The following PUS10 variants were observed in gnomAD, a reference collection of about 807,000 sequenced individuals.
The protein encoded by PUS10 is tRNA pseudouridine synthase Pus10.
Under a neutral mutation model 75.0 loss-of-function variants are expected in PUS10, and 59 were observed. The ratio of observed to expected loss-of-function variants is 0.79; its 90% confidence interval spans 0.64 to 0.98. The LOEUF is 0.98. Among genes scored for constraint, PUS10 ranks in the 50% least tolerant of loss-of-function variants. The pLI is 0.00. For synonymous variants in PUS10, 219 were observed against 211.6 expected (o/e 1.03, Z -0.30); for missense variants, 650 against 614.4 (o/e 1.06, Z -0.61).
At chr2:60,974,175 G>T (rs1456194557) in intron 4 of PUS10, among the ~76,000 whole-genome samples, 1 of 151,182 alleles carries the variant, frequency 6.6e-6, no homozygotes, top group Non-Finnish European at 1.5e-5. Context: ...CCCACTGTGG[G>T]TCTTCTCTGA....
chr2:61,004,792 AAT>A (rs1352552682), intron 4 of PUS10, among the ~76,000 whole-genome samples: 1 of 152,194 alleles, frequency 6.6e-6, no homozygotes, highest in Non-Finnish European at 1.5e-5. Context: ...AATAGGTTAA[AAT>A]ATATTAGTCA....
chr2:60,963,658 C>T (rs185858408), intron 8 of PUS10, among the ~76,000 whole-genome samples: 571 of 152,160 alleles, frequency 3.8e-3, no homozygotes, highest in Non-Finnish European at 6.2e-3. Context: ...TTTTCAAAAC[C>T]ATATTCTAGG....
At chr2:60,973,308 C>G (rs1326488965) in intron 4 of PUS10, among the ~76,000 whole-genome samples, 2 of 152,268 alleles carry the variant, frequency 1.3e-5, no homozygotes, top group Non-Finnish European at 2.9e-5. Flanking sequence ...GAGTCTCACC[C>G]AACTTGCGGC....
chr2:61,006,479 A>C, intron 4 of PUS10, 78 bp downstream of exon 4: 1 of 1,057,064 alleles, frequency 9.5e-7, no homozygotes, highest in South Asian at 1.4e-5. Flanking sequence ...AGAGTAAGGA[A>C]TATTTCTACA....
At position 60,941,690 on chromosome 2, in the gene PUS10, T is replaced by C. The variant is rs1424823867; in HGVS notation, c.*705A>G. 1 of 152,326 alleles carries C rather than the reference T, an allele frequency of 6.6e-6. No individual in the cohort carries two copies. Among genetic ancestry groups the C allele is most frequent in the African/African-American group, 2.4e-5 (1 of 41,456 alleles). The allele number at this position is 152,326 out of a possible 1,614,324, so 9.4% of individuals were successfully genotyped here. A position where few individuals can be genotyped will look rare whatever the true frequency, so the allele number is the denominator to read the frequency against. On this transcript the variant is annotated 3_prime_UTR_variant, in exon 18 of 18. Coordinates refer to ENST00000316752, the MANE Select transcript of PUS10 (RefSeq NM_144709.4). The stretch of plus-strand genomic sequence containing the variant: ...CACTTGTTTCTCCTTATTTAAAAGA[T>C]TTATGAAAGGCTCCTACCATGGCAT...
intron 4 of PUS10, among the ~76,000 whole-genome samples, chr2:60,992,701 C>T (rs1006568841): frequency 3.3e-5 from 5 of 151,986 alleles, no homozygotes; most frequent in African/African-American, 4.8e-5. Flanking sequence ...ATTTCATTTC[C>T]TTTTATATGG....
At chr2:60,989,877 G>A (rs1287696487) in intron 4 of PUS10, among the ~76,000 whole-genome samples, 1 of 151,962 alleles carries the variant, frequency 6.6e-6, no homozygotes, top group Non-Finnish European at 1.5e-5. Context: ...CATCCGCCTC[G>A]GCCTCCCAAA....
intron 4 of PUS10, among the ~76,000 whole-genome samples, chr2:60,995,658 T>C (rs1558966504): frequency 6.6e-6 from 1 of 152,208 alleles, no homozygotes; most frequent in East Asian, 1.9e-4. Flanking sequence ...AGTTAGAAGG[T>C]AGCAATGTGC....
intron 17 of PUS10, chr2:60,944,359 C>A: frequency 3.2e-6 from 1 of 308,362 alleles, no homozygotes; most frequent in Non-Finnish European, 4.7e-6. Context: ...ATGCCCACTT[C>A]TTTCTATAAC....
chr2:60,965,507 A>T (rs1356335552), intron 6 of PUS10, 23 bp from the exon 7 acceptor site: 1 of 1,528,138 alleles, frequency 6.5e-7, no homozygotes, highest in East Asian at 2.3e-5. Flanking sequence ...AAGACAGTTT[A>T]AAAATGAGCA....
intron 4 of PUS10, among the ~76,000 whole-genome samples, chr2:60,989,785 A>G (rs1677962588): frequency 6.6e-6 from 1 of 152,022 alleles, no homozygotes; most frequent in African/African-American, 2.4e-5. Flanking sequence ...TGCCCGGCTA[A>G]TTTTTAAAAA....
intron 4 of PUS10, among the ~76,000 whole-genome samples, chr2:60,975,265 G>C (rs1028192325): frequency 6.6e-6 from 1 of 152,052 alleles, no homozygotes; most frequent in Non-Finnish European, 1.5e-5. Context: ...TCCTGCCTCT[G>C]CCTCCCGAGT....
intron 4 of PUS10, among the ~76,000 whole-genome samples, chr2:60,993,097 A>T (rs1474011741): frequency 6.6e-6 from 1 of 152,230 alleles, no homozygotes; most frequent in African/African-American, 2.4e-5. Flanking sequence ...ATAAAAAGGA[A>T]GTAGCCCTGT....
At chr2:60,944,201 GAA>G (rs1474292314) in intron 17 of PUS10, 20 of 983,966 alleles carry the variant, frequency 2.0e-5, no homozygotes, top group Non-Finnish European at 2.2e-5. Flanking sequence ...TAGTTTCACT[GAA>G]GAGGCTCCCT....
rs1680146443 is a variant in PUS10, at chr2:61,018,241, G to A, written c.-249C>T. ...CATTTGTCCAGCCACGGCATCGACA[G>A]GGAGCAAAGTCTCTCCTTAAAGGTG... On this transcript the variant is annotated 5_prime_UTR_variant, in exon 1 of 18. Coordinates refer to ENST00000316752, the MANE Select transcript of PUS10 (RefSeq NM_144709.4). 1.3e-6 allele frequency: 2 copies of A among 1,551,138 alleles called. No homozygotes were observed. Among genetic ancestry groups the A allele is most frequent in the Non-Finnish European group, 8.7e-7 (1 of 1,147,004 alleles).
chr2:60,989,432 T>C (rs537536316), intron 4 of PUS10, among the ~76,000 whole-genome samples: 10 of 152,232 alleles, frequency 6.6e-5, no homozygotes, highest in African/African-American at 2.2e-4. Flanking sequence ...TGAGTAAACA[T>C]AGGCAGAAAG....
intron 1 of PUS10, among the ~76,000 whole-genome samples, chr2:61,015,796 T>C (rs893212610): frequency 2.0e-5 from 3 of 152,204 alleles, no homozygotes; most frequent in Non-Finnish European, 2.9e-5. Context: ...TCTACTTTGA[T>C]GCAGAGAAGA....
chr2:60,947,976 A>C, intron 16 of PUS10, 67 bp downstream of exon 16: 1 of 1,567,210 alleles, frequency 6.4e-7, no homozygotes, highest in Non-Finnish European at 8.8e-7. Context: ...CCTGTTTTCT[A>C]GGGGACCATG....
intron 4 of PUS10, among the ~76,000 whole-genome samples, chr2:60,986,745 G>A (rs1233547619): frequency 6.6e-6 from 1 of 152,150 alleles, no homozygotes; most frequent in African/African-American, 2.4e-5. Context: ...ACTTGCCTAA[G>A]TAGTATCAGA....
Sources: allele counts gnomAD v4.1 joint callset (sites outside exome capture counted in the v4.1 genomes callset), GRCh38; gene constraint gnomAD v4.1.1; transcripts MANE v1.5; gene names NCBI Gene and HGNC (gene_info 2026-07-23, HGNC 2026-07-21).